USP25: variants seen among roughly 807,000 people sequenced by gnomAD.
The protein encoded by USP25 is ubiquitin carboxyl-terminal hydrolase 25.
A neutral mutation model predicts 158.5 loss-of-function variants in USP25; 85 were observed. The observed-to-expected ratio is 0.54, with a 90% confidence interval of 0.45 to 0.64. USP25 has a LOEUF of 0.64. Ranked by LOEUF, USP25 falls within the 30% of genes least tolerant of loss-of-function variation. The pLI is 0.00. For missense variants in USP25, 1,242 were observed against 1,327.3 expected, an observed-to-expected ratio of 0.94 and a Z score of 1.00; for synonymous variants, 464 against 460.4, an observed-to-expected ratio of 1.01 and a Z score of -0.10.
At chr21:15,730,658 C>T (rs2030728283) in intron 1 of USP25, among the ~76,000 whole-genome samples, 1 of 152,226 alleles carries the variant, frequency 6.6e-6, no homozygotes, top group African/African-American at 2.4e-5. Flanking sequence ...CTTCCTTCTG[C>T]CGATTGTTTT....
intron 3 of USP25, among the ~76,000 whole-genome samples, chr21:15,775,017 A>G (rs1440477913): frequency 6.6e-6 from 1 of 152,204 alleles, no homozygotes; most frequent in South Asian, 2.1e-4. Context: ...TCAATGGACC[A>G]TATTTGAAGA....
In USP25 at chr21:15,877,801, A is replaced by C; in HGVS notation, c.3015A>C (p.Leu1005Phe). The C allele has an allele frequency of 6.3e-7, 1 of 1,596,376 alleles. No individual in the cohort carries two copies. The change falls in exon 25 of 26, where the codon TTA becomes TTC. Residue 1005 changes from leucine to phenylalanine, a missense_variant. Physicochemically the swap from Leu to Phe is conservative, Grantham distance 22. This residue lies in a region of USP25 where 608 missense variants were observed against 605.2 expected (regional missense o/e 1.00). Coordinates refer to ENST00000400183, the MANE Select transcript of USP25 (RefSeq NM_001283041.3). ...SHYRRECLLKLNEQAAELFES... is the reference protein window; with the variant it reads ...SHYRRECLLKFNEQAAELFES... ...TTTTCCTGCATTGCATTAAGAAATT[A>C]AATGAGCAAGCCGCAGAACTCTTCG... is the stretch of plus-strand genomic sequence containing the variant.
intron 1 of USP25, among the ~76,000 whole-genome samples, chr21:15,736,834 T>G (rs989931548): frequency 3.3e-5 from 5 of 151,912 alleles, no homozygotes; most frequent in African/African-American, 1.2e-4. Flanking sequence ...AGTAGCTAGT[T>G]TTTTTTAATT....
intron 1 of USP25, among the ~76,000 whole-genome samples, chr21:15,737,478 A>G (rs1035858859): frequency 4.6e-5 from 7 of 152,176 alleles, no homozygotes; most frequent in Non-Finnish European, 1.0e-4. Flanking sequence ...ATAATAACCT[A>G]TATCCCTTAT....
At chr21:15,742,177 C>T (rs6517609) in intron 1 of USP25, among the ~76,000 whole-genome samples, 2 of 151,060 alleles carry the variant, frequency 1.3e-5, no homozygotes, top group Admixed American at 6.6e-5. Flanking sequence ...AATTGGAAAA[C>T]CCCCACTATA....
At position 15,795,911 on chromosome 21, in the gene USP25, C is replaced by T. The variant is rs555077414; in HGVS notation, c.556-3846C>T. On this transcript the variant is annotated intron_variant, in intron 5 of 25. Transcript: ENST00000400183. ...TTTTAATCCTCCGAGGAGAATTTAT[C>T]ACGCTTCTCAGTCTTCTCCACTGTA... Among the ~76,000 whole-genome samples the T allele has an allele frequency of 2.6e-5, 4 of 151,534 alleles. No individual in the cohort carries two copies. The East Asian group carries it at 7.8e-4, about 29-fold the overall frequency.
chr21:15,846,130 A>G (rs373164037), intron 18 of USP25, among the ~76,000 whole-genome samples: 6,691 of 44,620 alleles, frequency 0.15, 398 homozygotes, highest in East Asian at 0.19. Context: ...GTGTATATAT[A>G]TATATATATA....
intron 1 of USP25, among the ~76,000 whole-genome samples, chr21:15,744,734 G>A (rs1387683044): frequency 6.6e-6 from 1 of 151,948 alleles, no homozygotes; most frequent in Admixed American, 6.6e-5. Flanking sequence ...GACTACAGGT[G>A]CCTGCCACCA....
At chr21:15,815,306 C>T (rs987694329) in intron 9 of USP25, among the ~76,000 whole-genome samples, 12 of 152,274 alleles carry the variant, frequency 7.9e-5, no homozygotes, top group African/African-American at 1.9e-4. Context: ...TAGGGCAGTA[C>T]GGAAGAGAAA....
intron 4 of USP25, 30 bp from the exon 5 acceptor site, chr21:15,791,472 A>G: frequency 6.3e-7 from 1 of 1,588,556 alleles, no homozygotes; most frequent in Non-Finnish European, 8.6e-7. Context: ...CCATTATATA[A>G]TGCTGCATTT....
chr21:15,748,859 T>C (rs2032773326), intron 1 of USP25, among the ~76,000 whole-genome samples: 1 of 152,190 alleles, frequency 6.6e-6, no homozygotes, highest in South Asian at 2.1e-4. Context: ...TTCAGGATAT[T>C]GTAATATGTT....
intron 23 of USP25, 42 bp downstream of exon 23, chr21:15,870,189 C>G: frequency 6.9e-7 from 1 of 1,448,856 alleles, no homozygotes; most frequent in Non-Finnish European, 9.6e-7. Flanking sequence ...ATAATTTTTG[C>G]ACTTAATTCT....
At chr21:15,864,228 A>G in intron 20 of USP25, 40 bp from the exon 21 acceptor site, 1 of 1,579,392 alleles carries the variant, frequency 6.3e-7, no homozygotes, top group Non-Finnish European at 8.6e-7. Context: ...TTGGTGTTCA[A>G]ATAATTAACC....
rs1491245749 is a variant in USP25, at chr21:15,879,346, A to ATG, written c.*873_*874dup. ...TATACACATATATACACATACACAC[A>ATG]TGTATATATATATTCTTCATAATGG... On this transcript the variant is annotated 3_prime_UTR_variant, in exon 26 of 26. Coordinates refer to ENST00000400183, the MANE Select transcript of USP25 (RefSeq NM_001283041.3). 2 of 151,916 alleles carry ATG rather than the reference A, an allele frequency of 1.3e-5. No individual in the cohort carries two copies. The highest frequency in any genetic ancestry group is 1.3e-4 in the Admixed American group (2 of 15,218). The allele number at this position is 151,916 out of a possible 1,614,324, so 9.4% of individuals were successfully genotyped here. A position where few individuals can be genotyped will look rare whatever the true frequency, so the allele number is the denominator to read the frequency against.
At chr21:15,802,801 G>A (rs924102294) in intron 6 of USP25, among the ~76,000 whole-genome samples, 2 of 151,444 alleles carry the variant, frequency 1.3e-5, no homozygotes, top group African/African-American at 4.8e-5. Flanking sequence ...AAATAATAAA[G>A]GTAATAGCAG....
At chr21:15,847,607 C>G (rs142837028) in intron 18 of USP25, 56 bp from the exon 19 acceptor site, 2 of 1,210,778 alleles carry the variant, frequency 1.7e-6, no homozygotes, top group African/African-American at 3.0e-5. Flanking sequence ...GCAAGGATGC[C>G]ATTGTTCTCC....
rs1329070759 is a variant in USP25 at position 15,730,440 on chromosome 21, T to A, written c.45+2T>A. On this transcript the variant is annotated splice_donor_variant, in intron 1 of 25. Transcript: ENST00000400183. LOFTEE classifies it high-confidence loss of function. ...CTGCAGCAGAGCGCGGCGCAGAAGGTGAGGCGAGTCCGCCAGCCGGCGGGC... is the reference window on the plus strand; with the variant it reads ...CTGCAGCAGAGCGCGGCGCAGAAGGAGAGGCGAGTCCGCCAGCCGGCGGGC... 1 of 1,359,938 alleles carries A rather than the reference T, an allele frequency of 7.4e-7. No individual in the cohort carries two copies. The highest frequency in any genetic ancestry group is 1.8e-5 in the South Asian group (1 of 57,046). 84.2% of individuals were successfully genotyped at this position (1,359,938 alleles called of 1,614,324 possible).
intron 1 of USP25, among the ~76,000 whole-genome samples, chr21:15,762,248 G>T (rs1377647977): frequency 1.3e-5 from 2 of 152,026 alleles, no homozygotes; most frequent in African/African-American, 4.8e-5. Context: ...GAAATACAGA[G>T]ATGTAAGGAG....
At chr21:15,741,098 G>T (rs2032009395) in intron 1 of USP25, among the ~76,000 whole-genome samples, 1 of 151,178 alleles carries the variant, frequency 6.6e-6, no homozygotes, top group Non-Finnish European at 1.5e-5. Context: ...AGTTTTGGCT[G>T]TTCTGGGTCT....
Sources: allele counts gnomAD v4.1 joint callset (sites outside exome capture counted in the v4.1 genomes callset), GRCh38; gene constraint gnomAD v4.1.1; regional missense constraint gnomAD v4.1.1; transcripts MANE v1.5; gene names NCBI Gene and HGNC (gene_info 2026-07-23, HGNC 2026-07-21).